The following PCDHGB6 variants were observed in gnomAD, a reference collection of about 807,000 sequenced individuals.
PCDHGB6 encodes the protein protocadherin gamma subfamily B, 6.
PCDHGB6 carries 51 observed loss-of-function variants against 59.1 expected under a neutral mutation model. The observed-to-expected ratio is 0.86, with a 90% CI of 0.69 to 1.09. The LOEUF (loss-of-function observed/expected upper bound fraction) is 1.09. Ranked by LOEUF, PCDHGB6 falls within the 50% of genes least tolerant of loss-of-function variation. The pLI, the probability that PCDHGB6 is intolerant of heterozygous loss-of-function variation, is 0.00. For missense variants in PCDHGB6, 1,148 were observed against 1,205.1 expected, an observed-to-expected ratio of 0.95 and a Z score of 0.70; for synonymous variants, 466 against 495.1, an observed-to-expected ratio of 0.94 and a Z score of 0.78.
At position 141,491,117 on chromosome 5, in the gene PCDHGB6, G is replaced by A; in HGVS notation, c.2419-3690G>A. ...CTGTTCCTCGTGTCTACACACACTGGTGAGGTGCGCACAGCCCGGGCCTTA... is the reference window on the plus strand; with the variant it reads ...CTGTTCCTCGTGTCTACACACACTGATGAGGTGCGCACAGCCCGGGCCTTA... On this transcript the variant is annotated intron_variant, in intron 1 of 3. Coordinates refer to ENST00000520790, the MANE Select transcript of PCDHGB6 (RefSeq NM_018926.3). The surrounding 1 kb of genome is among the most constrained non-coding windows in gnomAD (Gnocchi z 6.9). 1 of 1,614,196 alleles carries A rather than the reference G, an allele frequency of 6.2e-7. No homozygotes were observed.
Position 141,491,482 on chromosome 5 carries a change from A to G in PCDHGB6, c.2419-3325A>G. On this transcript the variant is annotated intron_variant, in intron 1 of 3. Coordinates refer to ENST00000520790, the MANE Select transcript of PCDHGB6 (RefSeq NM_018926.3). The surrounding 1 kb of genome is among the most constrained non-coding windows in gnomAD (Gnocchi z 6.9). Reference sequence around the variant, plus strand: ...GGACTTCTATAAGCAGTCCAGCCCCAACCTGCAGGTGAGCTCGGACGGCAC... The same window carrying G: ...GGACTTCTATAAGCAGTCCAGCCCCGACCTGCAGGTGAGCTCGGACGGCAC... 1 of 1,614,088 alleles carries G rather than the reference A, an allele frequency of 6.2e-7. No individual in the cohort carries two copies. The highest frequency in any genetic ancestry group is 8.5e-7 in the Non-Finnish European group (1 of 1,180,006).
intron 1 of PCDHGB6, chr5:141,423,689 G>T: frequency 7.1e-7 from 1 of 1,400,130 alleles, no homozygotes; most frequent in Non-Finnish European, 9.4e-7. Context: ...CCTCCTAATT[G>T]TTGGTGTCTT....
At position 141,511,260 on chromosome 5, in the gene PCDHGB6, G is replaced by A; in HGVS notation, c.*87G>A. 6.4e-7 allele frequency: 1 copy of A among 1,558,596 alleles called. No individual in the cohort carries two copies. Among genetic ancestry groups the A allele is most frequent in the Non-Finnish European group, 8.7e-7 (1 of 1,151,758 alleles). On this transcript the variant is annotated 3_prime_UTR_variant, in exon 4 of 4. Transcript: ENST00000520790. ...CCTGCACCCAGGCCTCAGAGTTTCA[G>A]GGCTAACCCCCAGAATACTGGTAGG...
chr5:141,421,443 GAC>G (rs771422215), intron 1 of PCDHGB6: 47 of 1,613,988 alleles, frequency 2.9e-5, no homozygotes, highest in Non-Finnish European at 3.6e-5. Context: ...CCAGAGGGAA[GAC>G]ACAGCTTTTC....
At chr5:141,507,563 G>A (rs2099861587) in intron 3 of PCDHGB6, among the ~76,000 whole-genome samples, 1 of 152,222 alleles carries the variant, frequency 6.6e-6, no homozygotes, top group Non-Finnish European at 1.5e-5. Flanking sequence ...CAGGCGGCTG[G>A]GTCTGAGGAG....
rs752071139 is a variant in PCDHGB6 at position 141,422,722 on chromosome 5, G to A, written c.2418+12102G>A. ...CTCTCTGACGGATGACACTGTCCAG[G>A]GGGTGCCTCTGTCCTCCTATGTCTC... On this transcript the variant is annotated intron_variant, in intron 1 of 3. Coordinates refer to ENST00000520790, the MANE Select transcript of PCDHGB6 (RefSeq NM_018926.3). The A allele has an allele frequency of 2.4e-5, 39 of 1,605,774 alleles. No homozygotes were observed. In the South Asian group the frequency reaches 4.0e-4, roughly 17 times the overall value.
chr5:141,482,245 G>A (rs72790067), intron 1 of PCDHGB6, among the ~76,000 whole-genome samples: 74 of 152,252 alleles, frequency 4.9e-4, no homozygotes, highest in Non-Finnish European at 7.9e-4. Flanking sequence ...TATAAGTATA[G>A]TACTGTACAT....
Position 141,485,392 on chromosome 5 carries a change from A to G in PCDHGB6, c.2419-9415A>G. ...AGGTCGCTGGAGAGGTGAACCAAAG[A>G]CACTTCCGTGTGGATTTGGACAGCG... On this transcript the variant is annotated intron_variant, in intron 1 of 3. Coordinates refer to ENST00000520790, the MANE Select transcript of PCDHGB6 (RefSeq NM_018926.3). This position sits in a 1 kb window ranked among gnomAD's most constrained non-coding sequence, Gnocchi z 5.7. 1 of 1,613,918 alleles carries G rather than the reference A, an allele frequency of 6.2e-7. No homozygotes were observed. The highest frequency in any genetic ancestry group is 8.5e-7 in the Non-Finnish European group (1 of 1,179,938).
intron 1 of PCDHGB6, chr5:141,423,619 T>A (rs1389600826): frequency 1.2e-6 from 2 of 1,608,208 alleles, no homozygotes; most frequent in Non-Finnish European, 1.7e-6. Context: ...AGCTGAAGAC[T>A]CAGCTATCAT....
At chr5:141,461,861 T>C (rs1445632008) in intron 1 of PCDHGB6, among the ~76,000 whole-genome samples, 8 of 152,182 alleles carry the variant, frequency 5.3e-5, no homozygotes, top group Middle Eastern at 3.4e-3. Flanking sequence ...TTTGCTCTTG[T>C]TGCCCAGGCT....
intron 1 of PCDHGB6, chr5:141,422,227 A>G: frequency 6.4e-7 from 1 of 1,566,716 alleles, no homozygotes; most frequent in Non-Finnish European, 8.6e-7. Context: ...CACCACGACG[A>G]TGTTGATCAC....
intron 1 of PCDHGB6, chr5:141,440,709 A>C (rs1351127132): frequency 1.3e-5 from 2 of 152,216 alleles, no homozygotes; most frequent in Non-Finnish European, 2.9e-5. Context: ...GTGGAAAGAC[A>C]TATGTTGATC....
At chr5:141,500,045 T>C (rs2099796072) in intron 2 of PCDHGB6, among the ~76,000 whole-genome samples, 1 of 152,062 alleles carries the variant, frequency 6.6e-6, no homozygotes, top group South Asian at 2.1e-4. Flanking sequence ...CTTAAGTATC[T>C]TAATGCTCTT....
Position 141,511,252 on chromosome 5 carries a change from G to C in PCDHGB6, c.*79G>C. 6.4e-7 allele frequency: 1 copy of C among 1,568,260 alleles called. No homozygotes were observed. The highest frequency in any genetic ancestry group is 8.6e-7 in the Non-Finnish European group (1 of 1,157,002). On this transcript the variant is annotated 3_prime_UTR_variant, in exon 4 of 4. Coordinates refer to ENST00000520790, the MANE Select transcript of PCDHGB6 (RefSeq NM_018926.3). ...TCTCCTTACCTGCACCCAGGCCTCA[G>C]AGTTTCAGGGCTAACCCCCAGAATA... is the stretch of plus-strand genomic sequence containing the variant.
At chr5:141,466,281 C>T (rs555506496) in intron 1 of PCDHGB6, among the ~76,000 whole-genome samples, 76 of 152,252 alleles carry the variant, frequency 5.0e-4, no homozygotes, top group African/African-American at 1.7e-3. Context: ...AGCAATCTTC[C>T]CACCTCAGGC....
At chr5:141,419,528 G>A (rs966922299) in intron 1 of PCDHGB6, 10 of 1,612,056 alleles carry the variant, frequency 6.2e-6, no homozygotes, top group Admixed American at 1.7e-5. Flanking sequence ...CGACCGTAAC[G>A]ACAACGCACC....
intron 1 of PCDHGB6, chr5:141,415,281 C>T (rs1321418691): frequency 6.2e-7 from 1 of 1,614,080 alleles, no homozygotes; most frequent in African/African-American, 1.3e-5. Context: ...TAGCGGTGGC[C>T]GCGGTCTCCT....
chr5:141,494,674 C>A lies in PCDHGB6; in HGVS notation c.2419-133C>A, dbSNP rs532644387. ...ATTTTGTCTTTGGAGATGAGTCCAC[C>A]CCTGCCCCCTCTTAGTCCGTTTTCT... is the stretch of plus-strand genomic sequence containing the variant. On this transcript the variant is annotated intron_variant, in intron 1 of 3. Transcript: ENST00000520790. 3.4e-5 allele frequency: 53 copies of A among 1,545,802 alleles called. No homozygotes were observed. In the African/African-American group the frequency reaches 6.5e-4, roughly 19 times the overall value.
chr5:141,503,377 A>G lies in PCDHGB6; in HGVS notation c.2478-2016A>G, dbSNP rs534841057. Among the ~76,000 whole-genome samples, 4 of 152,142 alleles carry G rather than the reference A, an allele frequency of 2.6e-5. No homozygotes were observed. In the East Asian group the frequency reaches 7.8e-4, roughly 30 times the overall value. The stretch of plus-strand genomic sequence containing the variant: ...TTTGGGAAGCGGAGGCAGGTGGATC[A>G]TGAGGTCAGGAGTTCGAAACCAACC... On this transcript the variant is annotated intron_variant, in intron 2 of 3. Coordinates refer to ENST00000520790, the MANE Select transcript of PCDHGB6 (RefSeq NM_018926.3).
Sources: allele counts gnomAD v4.1 joint callset (sites outside exome capture counted in the v4.1 genomes callset), GRCh38; gene constraint gnomAD v4.1.1; non-coding constraint Gnocchi (gnomAD v3.1); transcripts MANE v1.5; gene names NCBI Gene and HGNC (gene_info 2026-07-23, HGNC 2026-07-21).